IP6K1: variants seen among roughly 807,000 people sequenced by gnomAD.
IP6K1 encodes the protein ATP:1D-myo-inositol-hexakisphosphate phosphotransferase.
In IP6K1, 13 loss-of-function variants were observed where a neutral mutation model predicts 38.3. That is an observed-to-expected ratio of 0.34 (90% CI 0.22 to 0.54). IP6K1 has a LOEUF of 0.54. Ranked by LOEUF, IP6K1 falls within the 20% of genes least tolerant of loss-of-function variation. The pLI is 0.92. For synonymous variants in IP6K1, 212 were observed against 229.9 expected (o/e 0.92, Z 0.70); for missense variants, 397 against 599.8 (o/e 0.66, Z 3.53).
intron 3 of IP6K1, among the ~76,000 whole-genome samples, chr3:49,733,558 G>A (rs1461694743): frequency 6.6e-6 from 1 of 152,040 alleles, no homozygotes; most frequent in Non-Finnish European, 1.5e-5. Context: ...TACATACAAT[G>A]GAATATTATT....
At chr3:49,768,220 T>G (rs1399542359) in intron 1 of IP6K1, among the ~76,000 whole-genome samples, 1 of 152,072 alleles carries the variant, frequency 6.6e-6, no homozygotes, top group Non-Finnish European at 1.5e-5. Context: ...AAAGGAGGAA[T>G]CCAAAACAGA....
In IP6K1 at chr3:49,727,564, T is replaced by G; in HGVS notation, c.884A>C (p.Gln295Pro). The change falls in exon 6 of 6, where the codon CAA (glutamine) becomes CCA (proline). Residue 295 changes from glutamine (Q) to proline (P), a missense_variant. Coordinates refer to ENST00000321599, the MANE Select transcript of IP6K1 (RefSeq NM_153273.4). The surrounding 1 kb of genome is among the most constrained non-coding windows in gnomAD (Gnocchi z 5.9). ...SIEGFRNALYQYLHNGLDLRR... is the reference protein window; with the variant it reads ...SIEGFRNALYPYLHNGLDLRR... ...CAGGTCCAGGCCATTGTGCAGATAT[T>G]GATAGAGGGCATTGCGGAAGCCTTC... 1 of 1,614,154 alleles carries G rather than the reference T, an allele frequency of 6.2e-7. No individual in the cohort carries two copies. The highest frequency in any genetic ancestry group is 8.5e-7 in the Non-Finnish European group (1 of 1,180,020).
intron 1 of IP6K1, among the ~76,000 whole-genome samples, chr3:49,778,635 GA>G (rs901245403): frequency 2.3e-4 from 34 of 147,528 alleles, no homozygotes; most frequent in African/African-American, 6.4e-4. Flanking sequence ...TTCATCTCAA[GA>G]AAAAAAAAAG....
rs71080545 is a variant in IP6K1 at position 49,731,887 on chromosome 3, C to CAAAAAAAAAAAAAAAAAAAAAAAA, written c.616+903_616+904insTTTTTTTTTTTTTTTTTTTTTTTT. Among the ~76,000 whole-genome samples, 116 of 65,296 alleles carry CAAAAAAAAAAAAAAAAAAAAAAAA rather than the reference C, an allele frequency of 1.8e-3. 12 individuals carry two copies. Among genetic ancestry groups the CAAAAAAAAAAAAAAAAAAAAAAAA allele is most frequent in the Middle Eastern group, 8.3e-3 (1 of 120 alleles). The allele number at this position is 65,296 out of a possible 152,430, so 42.8% of individuals were successfully genotyped here. A position where few individuals can be genotyped will look rare whatever the true frequency, so the allele number is the denominator to read the frequency against. On this transcript the variant is annotated intron_variant, in intron 4 of 5. Transcript: ENST00000321599. ...TGGGTAACAGAGTGAGACTCTGTCT[C>CAAAAAAAAAAAAAAAAAAAAAAAA]AAAAAAAAAAAAAAAAAAGGAATTC...
intron 1 of IP6K1, among the ~76,000 whole-genome samples, chr3:49,782,904 G>C (rs1190653103): frequency 7.0e-6 from 1 of 143,312 alleles, no homozygotes; most frequent in African/African-American, 2.6e-5. Flanking sequence ...GAGGTCAGGA[G>C]TTTGAGACCA....
intron 1 of IP6K1, among the ~76,000 whole-genome samples, chr3:49,752,932 G>A (rs1302161426): frequency 6.6e-6 from 1 of 150,790 alleles, no homozygotes; most frequent in Non-Finnish European, 1.5e-5. Flanking sequence ...TTTTATTTTT[G>A]TATTTTTACT....
chr3:49,763,322 G>T (rs1315110097), intron 1 of IP6K1, among the ~76,000 whole-genome samples: 1 of 149,870 alleles, frequency 6.7e-6, no homozygotes, highest in Non-Finnish European at 1.5e-5. Flanking sequence ...AGCCAGGATG[G>T]TCTCGATCTC....
At chr3:49,755,014 C>T (rs1173165537) in intron 1 of IP6K1, among the ~76,000 whole-genome samples, 2 of 150,952 alleles carry the variant, frequency 1.3e-5, no homozygotes, top group African/African-American at 4.9e-5. Flanking sequence ...ACTACAGCCT[C>T]GACCTCCTGG....
intron 1 of IP6K1, among the ~76,000 whole-genome samples, chr3:49,753,410 C>A (rs903515307): frequency 1.3e-5 from 2 of 152,138 alleles, no homozygotes; most frequent in African/African-American, 4.8e-5. Context: ...CACCTGCACC[C>A]TCCACCCCCT....
chr3:49,780,306 T>TCACA lies in IP6K1; in HGVS notation c.-129+6047_-129+6048insTGTG, dbSNP rs1405695613. On this transcript the variant is annotated intron_variant, in intron 1 of 5. Transcript: ENST00000321599. ...AGCACACGAGAATCTTTATCATCTT[T>TCACA]CATACACACACACACACACACACAC... 6.6e-3 allele frequency among the ~76,000 whole-genome samples: 72 copies of TCACA among 10,866 alleles called. 1 individual carries two copies. The highest frequency in any genetic ancestry group is 0.014 in the African/African-American group (63 of 4,370). The allele number at this position is 10,866 out of a possible 152,430, so 7.1% of individuals were successfully genotyped here. A position where few individuals can be genotyped will look rare whatever the true frequency, so the allele number is the denominator to read the frequency against.
At chr3:49,732,764 C>T (rs371714839) in intron 4 of IP6K1, 27 bp downstream of exon 4, 212 of 1,596,030 alleles carry the variant, frequency 1.3e-4, no homozygotes, top group Non-Finnish European at 1.7e-4. Flanking sequence ...CCAGTAGACA[C>T]TCCTGAAGGA....
chr3:49,759,516 T>A (rs766736416), intron 1 of IP6K1, among the ~76,000 whole-genome samples: 2 of 152,152 alleles, frequency 1.3e-5, no homozygotes, highest in Non-Finnish European at 2.9e-5. Context: ...ATATTTCTTA[T>A]ATAGTTAGAC....
At chr3:49,771,818 T>G (rs955946928) in intron 1 of IP6K1, among the ~76,000 whole-genome samples, 1 of 152,136 alleles carries the variant, frequency 6.6e-6, no homozygotes. Context: ...ATAAACAAAC[T>G]GTAGTGTTAA....
intron 1 of IP6K1, chr3:49,785,745 C>T (rs1414005339): frequency 6.6e-6 from 1 of 152,198 alleles, no homozygotes; most frequent in Non-Finnish European, 1.5e-5. Flanking sequence ...AAATTATGTT[C>T]CAAAATAAAA....
At chr3:49,776,625 CTTGT>C (rs1307883348) in intron 1 of IP6K1, among the ~76,000 whole-genome samples, 1 of 152,038 alleles carries the variant, frequency 6.6e-6, no homozygotes, top group African/African-American at 2.4e-5. Flanking sequence ...AGCATGTTGC[CTTGT>C]TTAACCTCAG....
chr3:49,732,284 C>T (rs1418031985), intron 4 of IP6K1, among the ~76,000 whole-genome samples: 1 of 152,046 alleles, frequency 6.6e-6, no homozygotes. Flanking sequence ...AAAAATCTCA[C>T]CAAAGTCAAA....
chr3:49,727,470 G>A lies in IP6K1; in HGVS notation c.978C>T (p.Ala326=). Residue 326 remains alanine (A), a synonymous_variant, in exon 6 of 6, where the codon GCC becomes GCT. Coordinates refer to ENST00000321599, the MANE Select transcript of IP6K1 (RefSeq NM_153273.4). This position sits in a 1 kb window ranked among gnomAD's most constrained non-coding sequence, Gnocchi z 5.9. ...GGGAACTGGAGTAGAAGCGGTAAGA[G>A]GCCTGCCGCTCCAGCACAGCTTTCA... The part of the protein sequence containing the change: ...RGLKAVLERQ[A]SYRFYSSSLL... 1 of 1,614,150 alleles carries A rather than the reference G, an allele frequency of 6.2e-7. No homozygotes were observed. Among genetic ancestry groups the A allele is most frequent in the Non-Finnish European group, 8.5e-7 (1 of 1,180,038 alleles).
In IP6K1 at chr3:49,725,015, A is replaced by G. The variant is rs1316377011; in HGVS notation, c.*2107T>C. ...GGGCAGGGAGAAAGCAGTGGCAGACAGTATGCACACACACTTGCCCACTAC... is the reference window on the plus strand; with the variant it reads ...GGGCAGGGAGAAAGCAGTGGCAGACGGTATGCACACACACTTGCCCACTAC... On this transcript the variant is annotated 3_prime_UTR_variant, in exon 6 of 6. Transcript: ENST00000321599. 6.5e-6 allele frequency: 1 copy of G among 152,748 alleles called. No individual in the cohort carries two copies. Among genetic ancestry groups the G allele is most frequent in the Admixed American group, 6.5e-5 (1 of 15,284 alleles). The allele number at this position is 152,748 out of a possible 1,614,324, so 9.5% of individuals were successfully genotyped here. A position where few individuals can be genotyped will look rare whatever the true frequency, so the allele number is the denominator to read the frequency against.
At chr3:49,765,218 T>C (rs2080900969) in intron 1 of IP6K1, among the ~76,000 whole-genome samples, 1 of 152,080 alleles carries the variant, frequency 6.6e-6, no homozygotes, top group Non-Finnish European at 1.5e-5. Context: ...AGTTGCTAAC[T>C]ACTAGACCAG....
Sources: gnomAD v4.1 joint callset for allele counts (sites outside exome capture counted in the v4.1 genomes callset) on GRCh38, gnomAD v4.1.1 for gene constraint, Gnocchi (gnomAD v3.1) non-coding constraint, MANE v1.5 for transcripts, NCBI Gene and HGNC (gene_info 2026-07-23, HGNC 2026-07-21) for gene names.